The following CFAP70 variants were observed in gnomAD, a reference collection of about 807,000 sequenced individuals.
The protein encoded by CFAP70 is cilia- and flagella-associated protein 70.
Under a neutral mutation model 137.6 loss-of-function variants are expected in CFAP70, and 81 were observed. The observed-to-expected ratio is 0.59, with a 90% CI of 0.49 to 0.71. The LOEUF is 0.71. Ranked by LOEUF, CFAP70 falls within the 30% of genes least tolerant of loss-of-function variation. CFAP70 has a pLI of 0.00. For missense variants in CFAP70, 976 were observed against 1,226.7 expected (o/e 0.80, Z 3.05); for synonymous variants, 382 against 423.6 (o/e 0.90, Z 1.20).
intron 15 of CFAP70, chr10:73,294,532 G>A (rs2048397692): frequency 6.6e-6 from 1 of 152,350 alleles, no homozygotes; most frequent in Middle Eastern, 3.4e-3. Context: ...CATAGACACA[G>A]AGATTGGTAT....
intron 25 of CFAP70, among the ~76,000 whole-genome samples, chr10:73,260,202 A>C (rs983640130): frequency 6.6e-6 from 1 of 152,038 alleles, no homozygotes; most frequent in African/African-American, 2.4e-5. Flanking sequence ...TAATAAAATA[A>C]ATTATCCAGG....
At chr10:73,333,412 A>T (rs937882446) in intron 7 of CFAP70, among the ~76,000 whole-genome samples, 3 of 152,094 alleles carry the variant, frequency 2.0e-5, no homozygotes, top group Admixed American at 6.6e-5. Flanking sequence ...CAGGAATCTC[A>T]GAGAATACCA....
At chr10:73,322,292 C>T (rs551598865) in intron 9 of CFAP70, among the ~76,000 whole-genome samples, 3 of 152,318 alleles carry the variant, frequency 2.0e-5, no homozygotes, top group South Asian at 4.1e-4. Flanking sequence ...ATCCCTCCTT[C>T]TATCCCTGTT....
chr10:73,320,807 C>T (rs2050786090), intron 9 of CFAP70, among the ~76,000 whole-genome samples: 1 of 152,038 alleles, frequency 6.6e-6, no homozygotes, highest in Admixed American at 6.6e-5. Flanking sequence ...GCTGGAACTA[C>T]AGGCACACAA....
Position 73,316,489 on chromosome 10 carries a change from T to TAG in CFAP70, c.913-3847_913-3846insCT, listed in dbSNP as rs1402392657. Among the ~76,000 whole-genome samples, 48 of 103,954 alleles carry TAG rather than the reference T, an allele frequency of 4.6e-4. 1 individual carries two copies. The highest frequency in any genetic ancestry group is 1.4e-3 in the African/African-American group (37 of 26,262). 68.2% of individuals were successfully genotyped at this position (103,954 alleles called of 152,430 possible). On this transcript the variant is annotated intron_variant, in intron 9 of 26. Coordinates refer to ENST00000310715, the Ensembl canonical transcript of CFAP70. ...ATATATATATATATATAGATATAGA[T>TAG]ATATATATATATATATATATATATG...
At chr10:73,344,644 C>A (rs1439785601) in intron 5 of CFAP70, among the ~76,000 whole-genome samples, 1 of 152,198 alleles carries the variant, frequency 6.6e-6, no homozygotes, top group Non-Finnish European at 1.5e-5. Context: ...AGTTAGAAAT[C>A]TCCATCAAGA....
intron 12 of CFAP70, 66 bp from the exon 14 acceptor site, chr10:73,299,731 CT>C: frequency 7.6e-7 from 1 of 1,313,778 alleles, no homozygotes; most frequent in African/African-American, 1.5e-5. Context: ...TGTATATTTT[CT>C]TTTATCTTAT....
chr10:73,332,158 T>C (rs762757212), intron 7 of CFAP70, among the ~76,000 whole-genome samples: 14 of 152,118 alleles, frequency 9.2e-5, no homozygotes, highest in Non-Finnish European at 2.1e-4. Context: ...TGCCAGCAAC[T>C]GGTAGAAATA....
chr10:73,328,526 A>T (rs994101377), intron 8 of CFAP70, among the ~76,000 whole-genome samples: 1 of 148,544 alleles, frequency 6.7e-6, no homozygotes, highest in African/African-American at 2.5e-5. Flanking sequence ...GCACAGCAAA[A>T]GAAACTACCA....
At chr10:73,302,769 T>C (rs903324843) in intron 12 of CFAP70, among the ~76,000 whole-genome samples, 15 of 152,222 alleles carry the variant, frequency 9.9e-5, no homozygotes, top group African/African-American at 3.4e-4. Flanking sequence ...TATATTCTTA[T>C]ACAGTGACAT....
intron 25 of CFAP70, among the ~76,000 whole-genome samples, chr10:73,257,792 A>G (rs2044667415): frequency 6.6e-6 from 1 of 152,130 alleles, no homozygotes; most frequent in South Asian, 2.1e-4. Context: ...TAGCCAAAAC[A>G]ATTTTGAAAA....
chr10:73,307,989 CAAAAA>C (rs371058579), intron 12 of CFAP70, among the ~76,000 whole-genome samples: 1 of 80,064 alleles, frequency 1.2e-5, no homozygotes, highest in Non-Finnish European at 3.2e-5. Flanking sequence ...TACTAAAATA[CAAAAA>C]AAAAAAAAAA....
chr10:73,356,661 T>C (rs879437176), intron 1 of CFAP70, among the ~76,000 whole-genome samples: 2 of 152,232 alleles, frequency 1.3e-5, no homozygotes, highest in Non-Finnish European at 2.9e-5. Flanking sequence ...CACCTAAAAG[T>C]GTCAAATCAT....
intron 25 of CFAP70, 62 bp downstream of exon 26, chr10:73,269,552 C>A: frequency 8.4e-7 from 1 of 1,187,752 alleles, no homozygotes; most frequent in South Asian, 1.2e-5. Flanking sequence ...CTGCCCCTTG[C>A]TTACTTGACC....
chr10:73,341,350 C>T (rs1321263800), intron 6 of CFAP70, 49 bp downstream of exon 7: 14 of 1,481,094 alleles, frequency 9.5e-6, no homozygotes, highest in African/African-American at 1.4e-5. Context: ...GTTTTATCAT[C>T]TGTCAGTACA....
intron 26 of CFAP70, among the ~76,000 whole-genome samples, chr10:73,255,405 T>A (rs2044387100): frequency 6.6e-6 from 1 of 151,572 alleles, no homozygotes; most frequent in South Asian, 2.1e-4. Flanking sequence ...AAAAAAAAAA[T>A]TCAGCTGGGC....
At chr10:73,296,851 T>C (rs772226457) in intron 15 of CFAP70, 191 bp downstream of exon 16, 87 of 434,822 alleles carry the variant, frequency 2.0e-4, no homozygotes, top group Admixed American at 2.9e-4. Context: ...CATATCTCCT[T>C]GTTTTTTTCC....
At chr10:73,348,679 C>G (rs1453038675) in intron 3 of CFAP70, among the ~76,000 whole-genome samples, 158 bp from the exon 4 acceptor site, 1 of 152,170 alleles carries the variant, frequency 6.6e-6, no homozygotes, top group Non-Finnish European at 1.5e-5. Flanking sequence ...GTGGAAAATA[C>G]TGGACCACTT....
intron 9 of CFAP70, among the ~76,000 whole-genome samples, chr10:73,313,199 C>T (rs111948752): frequency 0.11 from 16,033 of 151,626 alleles, 1,230 homozygotes; most frequent in East Asian, 0.31. Flanking sequence ...GGTGAAACCA[C>T]GTCTCTACTA....
Sources: gnomAD v4.1 joint callset for allele counts (sites outside exome capture counted in the v4.1 genomes callset) on GRCh38, gnomAD v4.1.1 for gene constraint, MANE v1.5 for transcripts, NCBI Gene and HGNC (gene_info 2026-07-23, HGNC 2026-07-21) for gene names.